Variants in DAG1 observed in about 807,000 individuals in gnomAD.
The protein encoded by DAG1 is dystroglycan 1 (dystrophin-associated glycoprotein 1).
DAG1 carries 8 observed loss-of-function variants against 46.1 expected under a neutral mutation model. That is an observed-to-expected ratio of 0.17 (90% CI 0.10 to 0.31). The LOEUF (loss-of-function observed/expected upper bound fraction) is 0.31. Ranked by LOEUF, DAG1 falls within the 10% of genes least tolerant of loss-of-function variation. The probability of loss-of-function intolerance (pLI) is 1.00; values close to 1 mark genes in which losing one functional copy is unlikely to be tolerated. For synonymous variants in DAG1, 495 were observed against 481.8 expected (o/e 1.03, Z -0.36); for missense variants, 1,003 against 1,189.9 (o/e 0.84, Z 2.31).
chr3:49,505,590 T>C (rs567299987), intron 1 of DAG1, among the ~76,000 whole-genome samples: 54 of 152,208 alleles, frequency 3.5e-4, no homozygotes, highest in Non-Finnish European at 6.9e-4. Flanking sequence ...AGTTTTCTTA[T>C]GGATTCTTTG....
intron 1 of DAG1, among the ~76,000 whole-genome samples, chr3:49,491,046 C>T (rs2050169005): frequency 6.6e-6 from 1 of 151,878 alleles, no homozygotes; most frequent in Non-Finnish European, 1.5e-5. Context: ...ACTACTACGC[C>T]TGGCTAATTT....
intron 1 of DAG1, among the ~76,000 whole-genome samples, chr3:49,485,319 G>A (rs1348059006): frequency 1.3e-5 from 2 of 152,104 alleles, no homozygotes; most frequent in Admixed American, 1.3e-4. Context: ...GTGCAGTGGT[G>A]CGATCTTGGC....
At chr3:49,477,393 G>A (rs1456940148) in intron 1 of DAG1, among the ~76,000 whole-genome samples, 2 of 152,158 alleles carry the variant, frequency 1.3e-5, no homozygotes, top group African/African-American at 2.4e-5. Flanking sequence ...CTAGGCTCAA[G>A]CCATCCTCCC....
intron 2 of DAG1, among the ~76,000 whole-genome samples, chr3:49,523,798 G>T (rs1455265737): frequency 1.3e-5 from 2 of 152,172 alleles, no homozygotes; most frequent in Non-Finnish European, 2.9e-5. Context: ...TCATGTGCCT[G>T]GCACTATAAT....
chr3:49,533,565 C>T lies in DAG1; in HGVS notation c.*366C>T, dbSNP rs1173770567. 3 of 441,862 alleles carry T rather than the reference C, an allele frequency of 6.8e-6. No homozygotes were observed. The highest frequency in any genetic ancestry group is 4.0e-5 in the African/African-American group (2 of 49,556). The allele number at this position is 441,862 out of a possible 1,614,324, so 27.4% of individuals were successfully genotyped here. A position where few individuals can be genotyped will look rare whatever the true frequency, so the allele number is the denominator to read the frequency against. ...TGCCGGGCGGCCCCCTGGCTCTCTG[C>T]GTTTTGCCTTTAACACTAACTGTAC... On this transcript the variant is annotated 3_prime_UTR_variant, in exon 3 of 3. Transcript: ENST00000308775.
chr3:49,493,278 A>G (rs7643845), intron 1 of DAG1, among the ~76,000 whole-genome samples: 63,261 of 151,798 alleles, frequency 0.42, 14,840 homozygotes, highest in East Asian at 0.93. Context: ...TCCTGGGCTC[A>G]AGCAATCCAT....
chr3:49,493,321 G>A (rs2050236028), intron 1 of DAG1, among the ~76,000 whole-genome samples: 1 of 152,064 alleles, frequency 6.6e-6, no homozygotes, highest in South Asian at 2.1e-4. Context: ...TAGGATTACA[G>A]GCATGAACCA....
chr3:49,510,378 G>T, intron 1 of DAG1, 41 bp from the exon 2 acceptor site: 1 of 725,456 alleles, frequency 1.4e-6, no homozygotes, highest in South Asian at 1.6e-5. Flanking sequence ...CTGAACCACT[G>T]GAATTGCTCA....
intron 1 of DAG1, among the ~76,000 whole-genome samples, chr3:49,507,289 G>A (rs371236490): frequency 1.3e-4 from 20 of 152,172 alleles, no homozygotes; most frequent in African/African-American, 1.9e-4. Flanking sequence ...AGGGTCAGGC[G>A]TGGTGGCTCA....
At position 49,510,581 on chromosome 3, in the gene DAG1, G is replaced by A; in HGVS notation, c.47G>A (p.Arg16Lys). 1.2e-6 allele frequency: 2 copies of A among 1,613,994 alleles called. No homozygotes were observed. Among genetic ancestry groups the A allele is most frequent in the East Asian group, 2.2e-5 (1 of 44,882 alleles). The change falls in exon 2 of 3, where the codon AGG becomes AAG. Residue 16 changes from arginine to lysine, a missense_variant. Around this residue, in one of 3 missense-constraint regions of DAG1, gnomAD observed 196 missense variants for 239.1 expected, o/e 0.82. Transcript: ENST00000308775. ...GLSLLLPLSG[R>K]TFLLLLSVVM... ...TCGCTGCTGCTGCCCCTCTCGGGGA[G>A]GACCTTTCTCCTCCTGCTCTCTGTG... is the stretch of plus-strand genomic sequence containing the variant.
In DAG1 at chr3:49,533,198, A is replaced by C. The variant is rs1160983142; in HGVS notation, c.2687A>C (p.Ter896SerextTer10). 6.2e-7 allele frequency: 1 copy of C among 1,612,180 alleles called. No individual in the cohort carries two copies. Among genetic ancestry groups the C allele is most frequent in the African/African-American group, 1.3e-5 (1 of 75,022 alleles). The change falls in exon 3 of 3, where the codon TAA becomes TCA. Residue 896 changes from the stop codon to serine (S), a stop_lost. Transcript: ENST00000308775. ...TCACCTCCTCCCTATGTCCCACCTT[A>C]ACCCGCAAGCGCCTGGGTGGAGGCA... ...YRSPPPYVPP[*>S]
upstream of DAG1, among the ~76,000 whole-genome samples, chr3:49,469,228 T>G (rs1332241518): frequency 6.6e-6 from 1 of 152,108 alleles, no homozygotes. Flanking sequence ...CTGTCAAGAG[T>G]GCAGGCCTGG....
At chr3:49,470,880 C>T (rs955479417) in intron 1 of DAG1, 1 of 152,306 alleles carries the variant, frequency 6.6e-6, no homozygotes, top group Non-Finnish European at 1.5e-5. Context: ...CAGAGCTGCT[C>T]AGAGCCTTGG....
chr3:49,503,560 G>C (rs1398926938), intron 1 of DAG1, among the ~76,000 whole-genome samples: 1 of 152,122 alleles, frequency 6.6e-6, no homozygotes, highest in Non-Finnish European at 1.5e-5. Context: ...GGCCAGGCCT[G>C]GTGGCGCATG....
At chr3:49,512,655 A>G (rs943485787) in intron 2 of DAG1, among the ~76,000 whole-genome samples, 3 of 150,580 alleles carry the variant, frequency 2.0e-5, no homozygotes, top group Non-Finnish European at 3.0e-5. Flanking sequence ...GCCTCGCAAC[A>G]CCCAGCTAAT....
intron 1 of DAG1, among the ~76,000 whole-genome samples, chr3:49,482,987 A>T (rs1046503443): frequency 6.6e-6 from 1 of 152,056 alleles, no homozygotes; most frequent in Non-Finnish European, 1.5e-5. Flanking sequence ...TTCTCCAGGG[A>T]TAGATTGATT....
chr3:49,470,136 A>C (rs533186351), upstream of DAG1: 1 of 151,014 alleles, frequency 6.6e-6, no homozygotes, highest in East Asian at 2.0e-4. Context: ...CGACGCAGGC[A>C]GAAGCCGGCG....
At chr3:49,479,952 C>CTT (rs1265876485) in intron 1 of DAG1, among the ~76,000 whole-genome samples, 6 of 90,704 alleles carry the variant, frequency 6.6e-5, no homozygotes, top group African/African-American at 1.6e-4. Context: ...ATATAACATT[C>CTT]TTTTTTTTTT....
intron 1 of DAG1, among the ~76,000 whole-genome samples, chr3:49,477,643 A>C (rs1453544129): frequency 6.6e-6 from 1 of 152,148 alleles, no homozygotes; most frequent in African/African-American, 2.4e-5. Context: ...TGGATAATAC[A>C]TACATTTAAG....
Sources: gnomAD v4.1 joint callset for allele counts (sites outside exome capture counted in the v4.1 genomes callset) on GRCh38, gnomAD v4.1.1 for gene constraint, gnomAD v4.1.1 regional missense constraint, MANE v1.5 for transcripts, NCBI Gene and HGNC (gene_info 2026-07-23, HGNC 2026-07-21) for gene names.